DGKB: variants seen among roughly 807,000 people sequenced by gnomAD.
DGKB encodes the protein diacylglycerol kinase beta.
DGKB carries 67 observed loss-of-function variants against 114.3 expected under a neutral mutation model. The ratio of observed to expected loss-of-function variants is 0.59; its 90% CI spans 0.48 to 0.72. The LOEUF is 0.72. DGKB is among the 30% of genes least tolerant of loss of function. DGKB has a pLI of 0.00. For missense variants in DGKB, 907 were observed against 975.2 expected, an observed-to-expected ratio of 0.93 and a Z score of 0.93; for synonymous variants, 398 against 323.1, an observed-to-expected ratio of 1.23 and a Z score of -2.49.
intron 4 of DGKB, among the ~76,000 whole-genome samples, chr7:14,747,775 G>GCGCGCGCGTGCACACACACACA: frequency 2.0e-5 from 3 of 149,178 alleles, no homozygotes; most frequent in Non-Finnish European, 4.4e-5. Context: ...ACATCCACGC[G>GCGCGCGCGTGCACACACACACA]CACGCACACA....
At chr7:14,371,358 A>T (rs532587573) in intron 21 of DGKB, among the ~76,000 whole-genome samples, 5 of 152,002 alleles carry the variant, frequency 3.3e-5, no homozygotes, top group Non-Finnish European at 7.4e-5. Flanking sequence ...TTTTAATTAT[A>T]GCCATTCTGA....
intron 13 of DGKB, among the ~76,000 whole-genome samples, chr7:14,662,758 A>C (rs1357859): frequency 0.68 from 102,605 of 151,336 alleles, 35,259 homozygotes; most frequent in East Asian, 0.79. Context: ...TGAAAAAAAA[A>C]CCTAAAAATC....
At chr7:14,358,956 T>G (rs1303211119) in intron 21 of DGKB, among the ~76,000 whole-genome samples, 1 of 152,052 alleles carries the variant, frequency 6.6e-6, no homozygotes, top group Non-Finnish European at 1.5e-5. Context: ...ACCTTAAAGT[T>G]CATATGGGAC....
At chr7:14,520,113 C>T (rs538481696) in intron 20 of DGKB, among the ~76,000 whole-genome samples, 1 of 151,234 alleles carries the variant, frequency 6.6e-6, no homozygotes, top group Non-Finnish European at 1.5e-5. Context: ...AAAGACACCC[C>T]GCCTAACCCA....
chr7:14,592,081 AAAAT>A (rs1403867821), intron 17 of DGKB, among the ~76,000 whole-genome samples: 1 of 151,810 alleles, frequency 6.6e-6, no homozygotes, highest in African/African-American at 2.4e-5. Flanking sequence ...TTAAGTATAT[AAAAT>A]AAATAAATAT....
intron 20 of DGKB, among the ~76,000 whole-genome samples, chr7:14,493,356 G>C: frequency 6.6e-6 from 1 of 152,082 alleles, no homozygotes; most frequent in East Asian, 1.9e-4. Flanking sequence ...ACATACCTAT[G>C]ATAAAGTTTA....
chr7:14,313,832 C>T (rs1268991764), intron 23 of DGKB, among the ~76,000 whole-genome samples: 1 of 152,170 alleles, frequency 6.6e-6, no homozygotes, highest in Non-Finnish European at 1.5e-5. Flanking sequence ...GGGGGCAGGG[C>T]ACAGACAAAC....
intron 21 of DGKB, among the ~76,000 whole-genome samples, chr7:14,350,884 A>C (rs1176388350): frequency 1.3e-5 from 2 of 152,146 alleles, no homozygotes; most frequent in African/African-American, 4.8e-5. Flanking sequence ...TTAATTACTA[A>C]GGATGTTTCA....
chr7:14,176,909 A>G lies in DGKB; in HGVS notation c.2244-10T>C, dbSNP rs1169448341. On this transcript the variant is annotated splice_polypyrimidine_tract_variant and intron_variant, in intron 24 of 25. Coordinates refer to ENST00000402815, the MANE Select transcript of DGKB (RefSeq NM_001350709.2). Reference sequence around the variant, plus strand: ...CAGAGACTTGCTCGTCCTGGGGGAAAATATTTCATTGTAAGTATTGCAAGG... The same window carrying G: ...CAGAGACTTGCTCGTCCTGGGGGAAGATATTTCATTGTAAGTATTGCAAGG... 1 of 1,613,242 alleles carries G rather than the reference A, an allele frequency of 6.2e-7. No individual in the cohort carries two copies. Among genetic ancestry groups the G allele is most frequent in the Non-Finnish European group, 8.5e-7 (1 of 1,179,246 alleles).
At position 14,896,492 on chromosome 7, in the gene DGKB, C is replaced by T. The variant is rs996379769; in HGVS notation, c.-188+6100G>A. Among the ~76,000 whole-genome samples, 10 of 151,394 alleles carry T rather than the reference C, an allele frequency of 6.6e-5. No homozygotes were observed. The South Asian group carries it at 1.9e-3, about 28-fold the overall frequency. ...CAATAAATATTTTATTAATATAAAA[C>T]TAAGGAATATTTTTAGATTTAGATT... On this transcript the variant is annotated intron_variant, in intron 1 of 25. Transcript: ENST00000402815.
chr7:14,534,076 AATT>A (rs926278701), intron 20 of DGKB, among the ~76,000 whole-genome samples: 1 of 152,042 alleles, frequency 6.6e-6, no homozygotes, highest in African/African-American at 2.4e-5. Context: ...TAAGAGACAA[AATT>A]ATTACTTATA....
chr7:14,436,023 G>C (rs1386344360), intron 21 of DGKB, among the ~76,000 whole-genome samples: 4 of 151,924 alleles, frequency 2.6e-5, no homozygotes, highest in Non-Finnish European at 5.9e-5. Flanking sequence ...ATTTCAAATG[G>C]AATCTAATGC....
chr7:14,316,655 CA>C (rs1320525135), intron 23 of DGKB, among the ~76,000 whole-genome samples: 1 of 137,434 alleles, frequency 7.3e-6, no homozygotes, highest in Admixed American at 7.3e-5. Flanking sequence ...GCTTACCAAC[CA>C]AAAAGAGTCC....
chr7:14,504,458 G>C (rs898485317), intron 20 of DGKB, among the ~76,000 whole-genome samples: 4 of 152,132 alleles, frequency 2.6e-5, no homozygotes, highest in African/African-American at 9.7e-5. Context: ...ATAGTGGCTG[G>C]AGGTTTACAA....
rs7786885 is a variant in DGKB at position 14,973,527 on chromosome 7, G to T, written c.-188+1169C>A. Among the ~76,000 whole-genome samples the T allele has an allele frequency of 4.2e-3, 575 of 137,220 alleles. 5 individuals carry two copies. Among genetic ancestry groups the T allele is most frequent in the African/African-American group, 0.014 (538 of 37,272 alleles). The allele number at this position is 137,220 out of a possible 152,430, so 90.0% of individuals were successfully genotyped here. A position where few individuals can be genotyped will look rare whatever the true frequency, so the allele number is the denominator to read the frequency against. Reference sequence around the variant, plus strand: ...TGTTTTGTTTGTTTTTTGTTTTTTTGTTTTTTTTTTCTTTTTTTTTTCTTT... The same window carrying T: ...TGTTTTGTTTGTTTTTTGTTTTTTTTTTTTTTTTTTCTTTTTTTTTTCTTT... On this transcript the variant is annotated intron_variant, in intron 1 of 4. Coordinates refer to the DGKB transcript ENST00000437998.
Position 14,779,740 on chromosome 7 carries a change from A to T in DGKB, c.71-22009T>A, listed in dbSNP as rs73064785. 1.8e-3 allele frequency among the ~76,000 whole-genome samples: 269 copies of T among 152,280 alleles called. 1 individual carries two copies. In the Middle Eastern group the frequency reaches 0.027, roughly 15 times the overall value. On this transcript the variant is annotated intron_variant, in intron 2 of 25. Coordinates refer to ENST00000402815, the MANE Select transcript of DGKB (RefSeq NM_001350709.2). ...AAAAGGTGAGAAATATACATCCAACATACACAGAGAGATTCAAAATTTTAC... is the reference window on the plus strand; with the variant it reads ...AAAAGGTGAGAAATATACATCCAACTTACACAGAGAGATTCAAAATTTTAC...
rs1783590542 is a variant in DGKB, at chr7:14,187,317, C to CAGAT, written c.2123-9170_2123-9167dup. ...TCAGCAGCAGACAAACCTCCCTGGA[C>CAGAT]AGATAGCCACAGGCCTGCTTGGCAT... is the stretch of plus-strand genomic sequence containing the variant. On this transcript the variant is annotated intron_variant, in intron 23 of 25. Coordinates refer to ENST00000402815, the MANE Select transcript of DGKB (RefSeq NM_001350709.2). 2.6e-5 allele frequency among the ~76,000 whole-genome samples: 4 copies of CAGAT among 152,248 alleles called. No homozygotes were observed. The South Asian group carries it at 8.3e-4, about 32-fold the overall frequency.
intron 23 of DGKB, among the ~76,000 whole-genome samples, chr7:14,181,115 C>T (rs1194945905): frequency 6.6e-6 from 1 of 152,092 alleles, no homozygotes. Context: ...AATTTCAGTG[C>T]CCATCAATTA....
intron 20 of DGKB, among the ~76,000 whole-genome samples, chr7:14,543,351 G>A (rs567879404): frequency 9.2e-5 from 14 of 152,022 alleles, no homozygotes; most frequent in African/African-American, 3.1e-4. Flanking sequence ...GGCTAAGGTG[G>A]GAGGATCACC....
Sources: gnomAD v4.1 joint callset for allele counts (sites outside exome capture counted in the v4.1 genomes callset) on GRCh38, gnomAD v4.1.1 for gene constraint, MANE v1.5 for transcripts, NCBI Gene and HGNC (gene_info 2026-07-23, HGNC 2026-07-21) for gene names.